Variants in FBRSL1 observed in about 807,000 individuals in gnomAD.
FBRSL1 encodes fibrosin like 1.
In FBRSL1, 51 loss-of-function variants were observed where a neutral mutation model predicts 89.6. The ratio of observed to expected loss-of-function variants is 0.57; its 90% confidence interval spans 0.45 to 0.72. FBRSL1 has a LOEUF of 0.72. Among genes scored for constraint, FBRSL1 ranks in the 30% least tolerant of loss-of-function variants. FBRSL1 has a pLI of 0.00. For synonymous variants in FBRSL1, 779 were observed against 681.1 expected (o/e 1.14, Z -2.24); for missense variants, 1,618 against 1,451.8 (o/e 1.11, Z -1.86).
intron 5 of FBRSL1, among the ~76,000 whole-genome samples, chr12:132,549,735 C>T (rs1182138237): frequency 2.0e-5 from 3 of 152,278 alleles, no homozygotes; most frequent in South Asian, 2.1e-4. Context: ...GGCTGACAGC[C>T]GCCCCCATAA....
chr12:132,559,256 G>A (rs2038916000), intron 5 of FBRSL1, among the ~76,000 whole-genome samples: 1 of 152,258 alleles, frequency 6.6e-6, no homozygotes, highest in African/African-American at 2.4e-5. Context: ...GCAGCTGCTC[G>A]GAGCTGTCTC....
At chr12:132,551,810 T>C in intron 5 of FBRSL1, 1 of 348,432 alleles carries the variant, frequency 2.9e-6, no homozygotes, top group Non-Finnish European at 5.8e-6. Flanking sequence ...AAGTCTTCGG[T>C]TTGTGTCTAA....
At position 132,519,190 on chromosome 12, in the gene FBRSL1, C is replaced by T. The variant is rs541961542; in HGVS notation, c.490-6544C>T. Among the ~76,000 whole-genome samples, 24 of 152,374 alleles carry T rather than the reference C, an allele frequency of 1.6e-4. No homozygotes were observed. In the South Asian group the frequency reaches 3.1e-3, roughly 20 times the overall value. On this transcript the variant is annotated intron_variant, in intron 2 of 18. Transcript: ENST00000680143. ...GGTAGGCAAGGATAAAAGACAGCCCCGCCCACTGGATGCTTACAGTCTACT... is the reference window on the plus strand; with the variant it reads ...GGTAGGCAAGGATAAAAGACAGCCCTGCCCACTGGATGCTTACAGTCTACT...
At chr12:132,521,477 C>G (rs1377891788) in intron 2 of FBRSL1, among the ~76,000 whole-genome samples, 3 of 152,166 alleles carry the variant, frequency 2.0e-5, no homozygotes, top group South Asian at 4.1e-4. Flanking sequence ...AGCCGTAGGC[C>G]CCTTCTCAGG....
At chr12:132,502,789 TCTCCTGTCCCCGCCCC>T (rs1438450461) in intron 1 of FBRSL1, among the ~76,000 whole-genome samples, 17,621 of 42,464 alleles carry the variant, frequency 0.41, 2,419 homozygotes, top group Middle Eastern at 0.45. Context: ...GTCCCTGCCC[TCTCCTGTCCCCGCCCC>T]CTCCTGTCCC....
At chr12:132,525,713 C>T (rs1216035889) in intron 2 of FBRSL1, 21 bp from the exon 3 acceptor site, 4 of 1,536,540 alleles carry the variant, frequency 2.6e-6, no homozygotes, top group Middle Eastern at 1.7e-4. Context: ...TTGCCTGAGA[C>T]AGTGTCTCTC....
intron 4 of FBRSL1, among the ~76,000 whole-genome samples, chr12:132,528,762 G>T (rs113314940): frequency 6.6e-6 from 1 of 150,944 alleles, no homozygotes; most frequent in Admixed American, 6.6e-5. Flanking sequence ...TGTGTTTCAG[G>T]GTGTGCCCGG....
intron 4 of FBRSL1, among the ~76,000 whole-genome samples, chr12:132,535,481 CAG>C (rs1221766572): frequency 1.2e-4 from 19 of 152,254 alleles, no homozygotes; most frequent in African/African-American, 4.6e-4. Context: ...GGCTCCCTGA[CAG>C]TGCTGGTTGG....
At chr12:132,506,415 C>T (rs531832048) in intron 1 of FBRSL1, among the ~76,000 whole-genome samples, 8 of 152,204 alleles carry the variant, frequency 5.3e-5, no homozygotes, top group South Asian at 2.1e-4. Context: ...GTCTGTGCCC[C>T]GAGGGTACCA....
chr12:132,568,449 G>A (rs1303618451), intron 6 of FBRSL1, among the ~76,000 whole-genome samples: 2 of 152,274 alleles, frequency 1.3e-5, no homozygotes, highest in African/African-American at 2.4e-5. Flanking sequence ...CAGAAGGGGC[G>A]TGCATGGGAC....
At chr12:132,548,604 G>T (rs2037891091) in intron 5 of FBRSL1, among the ~76,000 whole-genome samples, 1 of 152,334 alleles carries the variant, frequency 6.6e-6, no homozygotes, top group African/African-American at 2.4e-5. Context: ...CCTCCGGGGG[G>T]GCTCTCCTTC....
intron 2 of FBRSL1, chr12:132,511,051 T>C: frequency 1.3e-5 from 13 of 985,876 alleles, no homozygotes; most frequent in Non-Finnish European, 1.4e-5. Context: ...TGGCGAATGG[T>C]GAAGGTGTGG....
At chr12:132,513,084 C>T (rs1376465273) in intron 2 of FBRSL1, among the ~76,000 whole-genome samples, 1 of 152,244 alleles carries the variant, frequency 6.6e-6, no homozygotes, top group Non-Finnish European at 1.5e-5. Flanking sequence ...TTTCGTGTGG[C>T]CAGATCTTTG....
At chr12:132,568,308 G>C (rs1467286377) in intron 6 of FBRSL1, among the ~76,000 whole-genome samples, 1 of 152,276 alleles carries the variant, frequency 6.6e-6, no homozygotes, top group African/African-American at 2.4e-5. Context: ...GATTGGACAG[G>C]ACAGGCCCTG....
At position 132,583,171 on chromosome 12, in the gene FBRSL1, C is replaced by T; in HGVS notation, c.2402C>T (p.Ser801Phe). ...GCCGCCAAGATGCCCGCGCGCGCATCCCCGCCCCACAGCAAGGCGGCCCCT... is the reference window on the plus strand; with the variant it reads ...GCCGCCAAGATGCCCGCGCGCGCATTCCCGCCCCACAGCAAGGCGGCCCCT... ...EEAAKMPARA[S>F]PPHSKAAPGD... Residue 801 changes from serine (S) to phenylalanine (F), a missense_variant, in exon 19 of 19, where the codon TCC (serine) becomes TTC (phenylalanine). Physicochemically the swap from Ser to Phe is radical, Grantham distance 155 (BLOSUM62 -2). Coordinates refer to ENST00000680143, the MANE Select transcript of FBRSL1 (RefSeq NM_001367871.1). 2.1e-6 allele frequency: 3 copies of T among 1,456,808 alleles called. No individual in the cohort carries two copies. Among genetic ancestry groups the T allele is most frequent in the Non-Finnish European group, 2.7e-6 (3 of 1,108,392 alleles). The allele number at this position is 1,456,808 out of a possible 1,614,324, so 90.2% of individuals were successfully genotyped here.
rs535320377 is a variant in FBRSL1 at position 132,501,275 on chromosome 12, G to T, written c.292-6878G>T. ...GTGGGCACAGCTGGACTAGAATTCC[G>T]GGATAAAGCTGGGGCCGAGCGGCGG... On this transcript the variant is annotated intron_variant, in intron 1 of 18. Coordinates refer to ENST00000680143, the MANE Select transcript of FBRSL1 (RefSeq NM_001367871.1). 2.6e-5 allele frequency among the ~76,000 whole-genome samples: 4 copies of T among 152,324 alleles called. No individual in the cohort carries two copies. The Middle Eastern group carries it at 0.01, about 389-fold the overall frequency.
rs575746267 is a variant in FBRSL1, at chr12:132,583,016, C to G, written c.2247C>G (p.Ala749=). 3 of 1,457,546 alleles carry G rather than the reference C, an allele frequency of 2.1e-6. No individual in the cohort carries two copies. The highest frequency in any genetic ancestry group is 6.0e-5 in the East Asian group (2 of 33,166). The allele number at this position is 1,457,546 out of a possible 1,614,324, so 90.3% of individuals were successfully genotyped here. Residue 749 remains alanine (A), a synonymous_variant, in exon 19 of 19, where the codon GCC becomes GCG. Coordinates refer to ENST00000680143, the MANE Select transcript of FBRSL1 (RefSeq NM_001367871.1). ...KTRLLSRASP[A]TPAGHPVSGL... The stretch of plus-strand genomic sequence containing the variant: ...GCCTGCTGAGCCGGGCCTCGCCCGC[C>G]ACCCCCGCTGGCCACCCCGTCAGCG...
At chr12:132,569,189 A>T (rs955392214) in intron 6 of FBRSL1, among the ~76,000 whole-genome samples, 2 of 151,312 alleles carry the variant, frequency 1.3e-5, no homozygotes, top group South Asian at 2.1e-4. Flanking sequence ...AAGGGGCCTG[A>T]AAAGGAGGGT....
chr12:132,558,770 C>T (rs541209063), intron 5 of FBRSL1, among the ~76,000 whole-genome samples: 1 of 152,370 alleles, frequency 6.6e-6, no homozygotes, highest in Non-Finnish European at 1.5e-5. Context: ...TGGATAGGCC[C>T]TGCCCGGGGC....
Sources: gnomAD v4.1 joint callset for allele counts (sites outside exome capture counted in the v4.1 genomes callset) on GRCh38, gnomAD v4.1.1 for gene constraint, MANE v1.5 for transcripts, NCBI Gene and HGNC (gene_info 2026-07-23, HGNC 2026-07-21) for gene names.